The following MROH1 variants were observed in gnomAD, a reference collection of about 807,000 sequenced individuals.
The protein encoded by MROH1 is maestro heat like repeat family member 1.
Under a neutral mutation model 116.5 loss-of-function variants are expected in MROH1, and 117 were observed. That is an observed-to-expected ratio of 1.00 (90% CI 0.86 to 1.17). MROH1 has a LOEUF of 1.17. MROH1 is among the 50% of genes most tolerant of loss of function. The pLI, the probability that MROH1 is intolerant of heterozygous loss-of-function variation, is 0.00. For synonymous variants in MROH1, 921 were observed against 583.9 expected (o/e 1.58, Z -8.32); for missense variants, 1,873 against 1,338.5 (o/e 1.40, Z -6.23).
Position 144,222,650 on chromosome 8 carries a change from A to G in MROH1, c.1216-458A>G, listed in dbSNP as rs1837017167. The stretch of plus-strand genomic sequence containing the variant: ...TGCTGGCACAGGTGTGGAGGAAGGT[A>G]GGTTCAGGTACAGGTGTGGGAGCAG... On this transcript the variant is annotated intron_variant, in intron 13 of 43. Coordinates refer to ENST00000326134, the MANE Select transcript of MROH1 (RefSeq NM_032450.3). 2.6e-5 allele frequency among the ~76,000 whole-genome samples: 4 copies of G among 151,982 alleles called. No individual in the cohort carries two copies. In the South Asian group the frequency reaches 8.3e-4, roughly 32 times the overall value.
At chr8:144,222,496 G>A (rs1162268433) in intron 13 of MROH1, among the ~76,000 whole-genome samples, 4 of 152,104 alleles carry the variant, frequency 2.6e-5, no homozygotes, top group South Asian at 2.1e-4. Flanking sequence ...AGACACAGGC[G>A]CAGGTGCAGG....
chr8:144,168,478 C>T (rs1226399393), intron 4 of MROH1, 38 bp downstream of exon 4: 2 of 1,568,102 alleles, frequency 1.3e-6, no homozygotes, highest in South Asian at 1.2e-5. Context: ...GTTGTCAGGG[C>T]CATGGTCGGT....
intron 14 of MROH1, among the ~76,000 whole-genome samples, chr8:144,237,617 T>C (rs1840273138): frequency 6.6e-6 from 1 of 152,264 alleles, no homozygotes; most frequent in East Asian, 1.9e-4. Context: ...AAATTTCTTC[T>C]TCCTTGAAGT....
intron 7 of MROH1, among the ~76,000 whole-genome samples, chr8:144,190,522 C>T (rs1828294939): frequency 6.6e-6 from 1 of 152,098 alleles, no homozygotes. Context: ...TGTGTCACAA[C>T]ACACCAGCCT....
intron 1 of MROH1, among the ~76,000 whole-genome samples, chr8:144,154,240 A>T (rs1224355356): frequency 6.6e-6 from 1 of 151,984 alleles, no homozygotes; most frequent in Non-Finnish European, 1.5e-5. Context: ...ATTTTTAAAA[A>T]TTTTTTAAGT....
chr8:144,247,002 C>T (rs1441121890), intron 29 of MROH1, among the ~76,000 whole-genome samples: 1 of 152,250 alleles, frequency 6.6e-6, no homozygotes, highest in African/African-American at 2.4e-5. Context: ...TGCCTGCACA[C>T]GCCTGCGTGC....
At chr8:144,211,208 G>C (rs897646861) in intron 12 of MROH1, among the ~76,000 whole-genome samples, 8 of 152,182 alleles carry the variant, frequency 5.3e-5, no homozygotes, top group Non-Finnish European at 7.3e-5. Flanking sequence ...CTCAAGCTCA[G>C]TCCCTTGGGC....
At chr8:144,158,479 G>T (rs1373746631) in intron 1 of MROH1, among the ~76,000 whole-genome samples, 2 of 152,128 alleles carry the variant, frequency 1.3e-5, no homozygotes, top group African/African-American at 2.4e-5. Context: ...CACATTCTCT[G>T]TATACTTTAA....
chr8:144,168,975 ACT>A (rs922958899), intron 4 of MROH1, among the ~76,000 whole-genome samples: 4 of 152,080 alleles, frequency 2.6e-5, no homozygotes, highest in Admixed American at 6.5e-5. Context: ...CCTCTTGGGA[ACT>A]CTCTCTTCAG....
At chr8:144,226,597 C>T (rs533521147) in intron 14 of MROH1, among the ~76,000 whole-genome samples, 70 of 152,260 alleles carry the variant, frequency 4.6e-4, no homozygotes, top group African/African-American at 1.6e-3. Context: ...GGATTATAGG[C>T]GTGTACCACC....
intron 14 of MROH1, among the ~76,000 whole-genome samples, chr8:144,224,043 A>G (rs1237696001): frequency 6.6e-6 from 1 of 152,192 alleles, no homozygotes; most frequent in Non-Finnish European, 1.5e-5. Flanking sequence ...GTGGGCCGCC[A>G]CCAGCTCAGC....
intron 33 of MROH1, chr8:144,254,343 T>C (rs1280789406): frequency 6.4e-6 from 1 of 156,384 alleles, no homozygotes; most frequent in East Asian, 1.9e-4. Context: ...GTTCCCGTCA[T>C]ATTCAGAGTT....
intron 14 of MROH1, among the ~76,000 whole-genome samples, chr8:144,224,845 G>A (rs755263843): frequency 3.3e-5 from 5 of 152,122 alleles, no homozygotes; most frequent in East Asian, 3.8e-4. Context: ...AGGGGTGGCC[G>A]GATGATTCTG....
At chr8:144,205,353 A>G (rs942569181) in intron 12 of MROH1, among the ~76,000 whole-genome samples, 1 of 152,184 alleles carries the variant, frequency 6.6e-6, no homozygotes, top group Non-Finnish European at 1.5e-5. Context: ...AGTCTGAGGT[A>G]TCTTAATATG....
chr8:144,213,092 C>G (rs1834513296), intron 12 of MROH1: 1 of 777,700 alleles, frequency 1.3e-6, no homozygotes, highest in African/African-American at 1.7e-5. Context: ...GCCTGCTGAT[C>G]TAACGGCCGC....
At chr8:144,167,476 G>GGAGTGGCCGGTTGTTGGGTA (rs1446535078) in intron 3 of MROH1, among the ~76,000 whole-genome samples, 2,074 of 132,998 alleles carry the variant, frequency 0.016, 40 homozygotes, top group Non-Finnish European at 0.026. Flanking sequence ...CAGTTGGGGT[G>GGAGTGGCCGGTTGTTGGGTA]GAGTGGCCGG....
chr8:144,193,939 G>A (rs1221792985), intron 10 of MROH1, among the ~76,000 whole-genome samples: 1 of 152,118 alleles, frequency 6.6e-6, no homozygotes, highest in African/African-American at 2.4e-5. Flanking sequence ...ACCTTATGCG[G>A]GAGGGCTTAG....
chr8:144,261,446 C>T (rs1845043075), intron 43 of MROH1, 97 bp downstream of exon 43: 2 of 699,712 alleles, frequency 2.9e-6, no homozygotes, highest in East Asian at 2.7e-5. Context: ...GGACTTTTTC[C>T]CTGTCACTGG....
At chr8:144,155,204 G>C (rs1172817622) in intron 1 of MROH1, among the ~76,000 whole-genome samples, 1 of 152,176 alleles carries the variant, frequency 6.6e-6, no homozygotes, top group Non-Finnish European at 1.5e-5. Flanking sequence ...GCCTGCTTCA[G>C]CCTCCCAAAG....
Sources: allele counts gnomAD v4.1 joint callset (sites outside exome capture counted in the v4.1 genomes callset), GRCh38; gene constraint gnomAD v4.1.1; transcripts MANE v1.5; gene names NCBI Gene and HGNC (gene_info 2026-07-23, HGNC 2026-07-21).